GRIK4: variants seen among roughly 807,000 people sequenced by gnomAD.
GRIK4 encodes glutamate receptor ionotropic, kainate 4.
In GRIK4, 40 loss-of-function variants were observed where a neutral mutation model predicts 104.9. That is an observed-to-expected ratio of 0.38 (90% CI 0.30 to 0.50). The LOEUF (loss-of-function observed/expected upper bound fraction) is 0.50, where lower values mean the gene tolerates loss of function less well. Ranked by LOEUF, GRIK4 falls within the 20% of genes least tolerant of loss-of-function variation. The pLI is 0.93. For missense variants in GRIK4, 1,047 were observed against 1,308.1 expected, an observed-to-expected ratio of 0.80 and a Z score of 3.08; for synonymous variants, 485 against 524.9, an observed-to-expected ratio of 0.92 and a Z score of 1.04.
In GRIK4 at chr11:120,695,857, TG is replaced by T. The variant is rs1381542640; in HGVS notation, c.82+35459del. 2.0e-5 allele frequency among the ~76,000 whole-genome samples: 3 copies of T among 152,210 alleles called. No individual in the cohort carries two copies. In the East Asian group the frequency reaches 5.8e-4, roughly 29 times the overall value. Reference sequence around the variant, plus strand: ...CAAGGACCCAACTGAGTGCAGCCTCTGGAAGGAGCAATTGAAGGGACAAGAC... The same window carrying T: ...CAAGGACCCAACTGAGTGCAGCCTCTGAAGGAGCAATTGAAGGGACAAGAC... On this transcript the variant is annotated intron_variant, in intron 3 of 20. Coordinates refer to ENST00000527524, the MANE Select transcript of GRIK4 (RefSeq NM_014619.5).
intron 3 of GRIK4, among the ~76,000 whole-genome samples, chr11:120,669,546 C>T (rs1368835510): frequency 2.0e-5 from 3 of 152,250 alleles, no homozygotes; most frequent in African/African-American, 4.8e-5. Context: ...GACTTTCAGT[C>T]CCGGGCATTG....
chr11:120,861,801 G>C (rs1046008597), intron 8 of GRIK4, among the ~76,000 whole-genome samples, 158 bp from the exon 9 acceptor site: 1 of 152,102 alleles, frequency 6.6e-6, no homozygotes, highest in East Asian at 1.9e-4. Context: ...TTAACTCCCA[G>C]AAAAACTGCT....
chr11:120,655,216 G>T lies in GRIK4; in HGVS notation c.-51+1424G>T, dbSNP rs184766120. ...GTATGGTGGCAGCAGATGGGGAGGG[G>T]ATCACAGAAGCCTCGAGGGGAGCTG... On this transcript the variant is annotated intron_variant, in intron 2 of 20. Coordinates refer to ENST00000527524, the MANE Select transcript of GRIK4 (RefSeq NM_014619.5). 1.1e-4 allele frequency among the ~76,000 whole-genome samples: 17 copies of T among 151,934 alleles called. No individual in the cohort carries two copies. The East Asian group carries it at 3.3e-3, about 30-fold the overall frequency.
At chr11:120,811,550 C>T (rs1032642145) in intron 4 of GRIK4, among the ~76,000 whole-genome samples, 3 of 152,056 alleles carry the variant, frequency 2.0e-5, no homozygotes, top group Admixed American at 6.6e-5. Flanking sequence ...TGTCAGTTCC[C>T]GTAAGAGTGC....
intron 1 of GRIK4, chr11:120,575,684 C>T (rs1055233239): frequency 6.6e-6 from 1 of 152,260 alleles, no homozygotes; most frequent in African/African-American, 2.4e-5. Context: ...ACAGGTCACT[C>T]TGACTTCCTG....
intron 13 of GRIK4, among the ~76,000 whole-genome samples, chr11:120,921,664 G>A (rs1028390997): frequency 3.9e-5 from 6 of 152,110 alleles, no homozygotes; most frequent in African/African-American, 1.2e-4. Flanking sequence ...CTGCATGCGC[G>A]GCCCCATCTC....
chr11:120,944,895 A>T (rs943699859), intron 14 of GRIK4, among the ~76,000 whole-genome samples: 2 of 147,262 alleles, frequency 1.4e-5, no homozygotes. Context: ...TAATACACTC[A>T]TAGCAGTGCC....
chr11:120,840,535 A>G (rs1026381908), intron 8 of GRIK4, among the ~76,000 whole-genome samples: 9 of 152,188 alleles, frequency 5.9e-5, no homozygotes, highest in Admixed American at 5.9e-4. Context: ...AGAACTTGAC[A>G]GGTAAATTGA....
chr11:120,735,362 C>T (rs1951202535), intron 3 of GRIK4, among the ~76,000 whole-genome samples: 1 of 152,170 alleles, frequency 6.6e-6, no homozygotes. Context: ...GACTCTTGTT[C>T]TCTTCCCTTA....
intron 1 of GRIK4, among the ~76,000 whole-genome samples, chr11:120,585,065 C>T (rs1367544521): frequency 6.6e-6 from 1 of 152,186 alleles, no homozygotes; most frequent in African/African-American, 2.4e-5. Context: ...CAGAATGATG[C>T]TGACCTCACA....
Position 120,595,399 on chromosome 11 carries a change from A to G in GRIK4, c.-158-58286A>G, listed in dbSNP as rs117105211. Among the ~76,000 whole-genome samples, 396 of 152,258 alleles carry G rather than the reference A, an allele frequency of 2.6e-3. 1 individual carries two copies. The highest frequency in any genetic ancestry group is 3.7e-3 in the Non-Finnish European group (251 of 68,012). On this transcript the variant is annotated intron_variant, in intron 1 of 20. Coordinates refer to ENST00000527524, the MANE Select transcript of GRIK4 (RefSeq NM_014619.5). ...CACATTTTGAAATTATTTTTTCGGT[A>G]TACTTTTTTTCTTCCCCTCTAGACT... is the stretch of plus-strand genomic sequence containing the variant.
At chr11:120,782,523 G>T (rs1952178887) in intron 3 of GRIK4, among the ~76,000 whole-genome samples, 1 of 152,070 alleles carries the variant, frequency 6.6e-6, no homozygotes, top group African/African-American at 2.4e-5. Context: ...CTGACCTTGT[G>T]ATCTGCCTGC....
intron 5 of GRIK4, among the ~76,000 whole-genome samples, chr11:120,817,305 C>T (rs1252980721): frequency 6.6e-6 from 1 of 152,222 alleles, no homozygotes; most frequent in African/African-American, 2.4e-5. Context: ...CCATGATCTG[C>T]AGCCAACTCC....
intron 1 of GRIK4, among the ~76,000 whole-genome samples, chr11:120,593,919 C>G (rs1020958909): frequency 5.9e-5 from 9 of 152,146 alleles, no homozygotes; most frequent in Non-Finnish European, 1.0e-4. Context: ...CCCACCAAGT[C>G]CTGCCAATTT....
rs1231491166 is a variant in GRIK4, at chr11:120,556,678, C to A, written c.-159+44791C>A. Among the ~76,000 whole-genome samples the A allele has an allele frequency of 2.6e-5, 4 of 152,108 alleles. No individual in the cohort carries two copies. The East Asian group carries it at 7.7e-4, about 29-fold the overall frequency. ...TGTCTTGGGAATGGGCTTAACCCGT[C>A]CTTTGCTTTAGGAGGAAAAAAAAGC... On this transcript the variant is annotated intron_variant, in intron 1 of 20. Transcript: ENST00000527524.
At chr11:120,786,044 G>A (rs572239503) in intron 3 of GRIK4, among the ~76,000 whole-genome samples, 10 of 152,188 alleles carry the variant, frequency 6.6e-5, no homozygotes, top group South Asian at 2.1e-4. Flanking sequence ...ATTCTTTCCC[G>A]ATCCAAGTCC....
At chr11:120,836,249 CAT>C (rs756166584) in intron 7 of GRIK4, among the ~76,000 whole-genome samples, 9 of 152,140 alleles carry the variant, frequency 5.9e-5, no homozygotes, top group Admixed American at 1.3e-4. Context: ...ATTAATGAGA[CAT>C]GTGATCTTGT....
intron 1 of GRIK4, among the ~76,000 whole-genome samples, chr11:120,611,651 A>G (rs1432745733): frequency 1.3e-5 from 2 of 152,042 alleles, no homozygotes; most frequent in African/African-American, 4.8e-5. Context: ...CCACTACCCC[A>G]GTCTCAGTTC....
At chr11:120,744,654 G>T (rs199757507) in intron 3 of GRIK4, among the ~76,000 whole-genome samples, 1 of 152,164 alleles carries the variant, frequency 6.6e-6, no homozygotes, top group East Asian at 1.9e-4. Context: ...AAAGTGTGGG[G>T]CAGTGCAGGG....
Sources: allele counts gnomAD v4.1 joint callset (sites outside exome capture counted in the v4.1 genomes callset), GRCh38; gene constraint gnomAD v4.1.1; transcripts MANE v1.5; gene names NCBI Gene and HGNC (gene_info 2026-07-23, HGNC 2026-07-21).